Variants in LARGE1 observed in about 807,000 individuals in gnomAD.
LARGE1 encodes the protein xylosyl- and glucuronyltransferase LARGE1.
A neutral mutation model predicts 87.6 loss-of-function variants in LARGE1; 43 were observed. That is an observed-to-expected ratio of 0.49 (90% CI 0.38 to 0.63). The LOEUF is 0.63. Among genes scored for constraint, LARGE1 ranks in the 30% least tolerant of loss-of-function variants. The probability of loss-of-function intolerance (pLI) is 0.00; values close to 1 mark genes in which losing one functional copy is unlikely to be tolerated. For synonymous variants in LARGE1, 434 were observed against 394.6 expected (o/e 1.10, Z -1.18); for missense variants, 802 against 1,000.2 (o/e 0.80, Z 2.67).
chr22:33,520,177 T>C (rs1447857756), intron 6 of LARGE1, among the ~76,000 whole-genome samples: 2 of 151,872 alleles, frequency 1.3e-5, no homozygotes, highest in Non-Finnish European at 2.9e-5. Context: ...GCTAATTTTC[T>C]ACTTTTTGTA....
At chr22:33,428,320 T>TTC (rs1196090662) in intron 7 of LARGE1, among the ~76,000 whole-genome samples, 3 of 34,976 alleles carry the variant, frequency 8.6e-5, no homozygotes, top group Non-Finnish European at 2.3e-4. Context: ...TGTTATGTCT[T>TTC]TTTTTTTTTT....
At chr22:33,840,654 A>G (rs189076771) in intron 1 of LARGE1, among the ~76,000 whole-genome samples, 1 of 151,168 alleles carries the variant, frequency 6.6e-6, no homozygotes, top group African/African-American at 2.4e-5. Context: ...GATTTAGGAT[A>G]ATTCGACTTA....
chr22:33,771,238 C>T lies in LARGE1; in HGVS notation c.-82-9680G>A, dbSNP rs2085060943. 4.7e-5 allele frequency among the ~76,000 whole-genome samples: 7 copies of T among 148,730 alleles called. No homozygotes were observed. The South Asian group carries it at 1.3e-3, about 27-fold the overall frequency. On this transcript the variant is annotated intron_variant, in intron 1 of 14. Transcript: ENST00000397394. ...TGCTGCCACGGTTTGTTACTATAAT[C>T]CCCTTCTGTAAGTACTCGCCCCTCC... is the stretch of plus-strand genomic sequence containing the variant.
chr22:33,069,435 A>G, the LARGE1 span, among the ~76,000 whole-genome samples: 4 of 152,140 alleles, frequency 2.6e-5, no homozygotes, highest in African/African-American at 4.8e-5. Flanking sequence ...CGTTGGAGAT[A>G]ACACTTGGGG....
At chr22:33,353,746 A>T (rs1940627438) in intron 9 of LARGE1, among the ~76,000 whole-genome samples, 1 of 152,238 alleles carries the variant, frequency 6.6e-6, no homozygotes, top group Admixed American at 6.5e-5. Flanking sequence ...TATTTTATGA[A>T]AAGAGAGTAT....
chr22:33,899,961 A>G (rs1215824485), intron 1 of LARGE1, among the ~76,000 whole-genome samples: 1 of 152,186 alleles, frequency 6.6e-6, no homozygotes, highest in South Asian at 2.1e-4. Context: ...TTTTTGGCTT[A>G]TTTGTTTTGT....
intron 1 of LARGE1, among the ~76,000 whole-genome samples, chr22:33,843,012 G>A (rs1185326800): frequency 6.6e-6 from 1 of 152,072 alleles, no homozygotes; most frequent in East Asian, 1.9e-4. Context: ...TCCTCTGGGG[G>A]GGTCCTGTCT....
rs183218699 is a variant in LARGE1 at position 33,574,604 on chromosome 22, T to C, written c.616-9585A>G. Among the ~76,000 whole-genome samples, 69 of 151,860 alleles carry C rather than the reference T, an allele frequency of 4.5e-4. 1 individual carries two copies. Among genetic ancestry groups the C allele is most frequent in the Admixed American group, 4.3e-3 (65 of 15,236 alleles). On this transcript the variant is annotated intron_variant, in intron 5 of 14. Coordinates refer to ENST00000397394, the MANE Select transcript of LARGE1 (RefSeq NM_133642.5). ...AGGAAATAAACCTTAAATTTGGTCT[T>C]GAAAAATGGGTTGAAAATTGAGATT...
intron 6 of LARGE1, among the ~76,000 whole-genome samples, chr22:33,484,609 G>T (rs1203017085): frequency 1.3e-5 from 2 of 152,290 alleles, no homozygotes; most frequent in Admixed American, 6.5e-5. Context: ...GTGCTTCCAC[G>T]ACAGGAGAGC....
intron 1 of LARGE1, among the ~76,000 whole-genome samples, chr22:33,824,328 T>C (rs2062720453): frequency 6.6e-6 from 1 of 152,150 alleles, no homozygotes; most frequent in South Asian, 2.1e-4. Context: ...CTTACAATCA[T>C]GGCAGAAGGC....
At position 33,577,197 on chromosome 22, in the gene LARGE1, C is replaced by T. The variant is rs147605815; in HGVS notation, c.616-12178G>A. Among the ~76,000 whole-genome samples, 699 of 152,064 alleles carry T rather than the reference C, an allele frequency of 4.6e-3. 5 individuals carry two copies. Among genetic ancestry groups the T allele is most frequent in the African/African-American group, 0.016 (655 of 41,464 alleles). On this transcript the variant is annotated intron_variant, in intron 5 of 14. Coordinates refer to ENST00000397394, the MANE Select transcript of LARGE1 (RefSeq NM_133642.5). ...GGGATCAAAAAAAAATAAGATATTC[C>T]AATGGTTTGGTATTAAAATCTCATG...
At chr22:33,233,303 A>G (rs62232873) in intron 11 of LARGE1, among the ~76,000 whole-genome samples, 9,648 of 151,958 alleles carry the variant, frequency 0.063, 359 homozygotes, top group African/African-American at 0.089. Flanking sequence ...TGATGATGAT[A>G]ATGATGATGA....
chr22:33,253,832 A>G (rs1927124174), intron 11 of LARGE1, among the ~76,000 whole-genome samples: 2 of 151,788 alleles, frequency 1.3e-5, no homozygotes, highest in Non-Finnish European at 2.9e-5. Context: ...ACTTTGCCAA[A>G]GGTTCCTATG....
intron 1 of LARGE1, among the ~76,000 whole-genome samples, chr22:33,786,649 A>T (rs1366357468): frequency 1.3e-5 from 2 of 152,034 alleles, no homozygotes; most frequent in Non-Finnish European, 2.9e-5. Flanking sequence ...CTCAGGTCTC[A>T]CTCAGCTTAA....
chr22:33,533,672 A>AT (rs1227395880), intron 6 of LARGE1, among the ~76,000 whole-genome samples: 2 of 152,182 alleles, frequency 1.3e-5, no homozygotes, highest in Non-Finnish European at 2.9e-5. Context: ...TTTATTTCTC[A>AT]TGAGTCTAAA....
chr22:33,081,715 C>T, the LARGE1 span, among the ~76,000 whole-genome samples: 1 of 152,070 alleles, frequency 6.6e-6, no homozygotes, highest in Non-Finnish European at 1.5e-5. Context: ...AGCCTTCTAC[C>T]CTCATGTCTA....
At chr22:33,399,694 G>A (rs531741385) in intron 7 of LARGE1, among the ~76,000 whole-genome samples, 2 of 152,110 alleles carry the variant, frequency 1.3e-5, no homozygotes, top group African/African-American at 4.8e-5. Context: ...GACTACAGGC[G>A]CCTGCCACCA....
intron 6 of LARGE1, among the ~76,000 whole-genome samples, chr22:33,435,003 C>T (rs1207642648): frequency 1.3e-5 from 2 of 152,042 alleles, no homozygotes; most frequent in Admixed American, 1.3e-4. Flanking sequence ...TGTTTGTTTG[C>T]TTTGTTTTGT....
At chr22:33,225,686 C>G (rs547227862) in intron 11 of LARGE1, among the ~76,000 whole-genome samples, 2 of 152,092 alleles carry the variant, frequency 1.3e-5, no homozygotes, top group South Asian at 2.1e-4. Flanking sequence ...GCATAGTACC[C>G]AATAGTTATT....
Sources: allele counts gnomAD v4.1 joint callset (sites outside exome capture counted in the v4.1 genomes callset), GRCh38; gene constraint gnomAD v4.1.1; transcripts MANE v1.5; gene names NCBI Gene and HGNC (gene_info 2026-07-23, HGNC 2026-07-21).